MYCN: variants seen among roughly 807,000 people sequenced by gnomAD.
The protein encoded by MYCN is N-myc proto-oncogene protein.
A neutral mutation model predicts 28.1 loss-of-function variants in MYCN; 3 were observed. The ratio of observed to expected loss-of-function variants is 0.11; its 90% CI spans 0.05 to 0.28. The LOEUF is 0.28. Among genes scored for constraint, MYCN ranks in the 10% least tolerant of loss-of-function variants. MYCN has a pLI of 1.00. For synonymous variants in MYCN, 326 were observed against 288.3 expected, an observed-to-expected ratio of 1.13 and a Z score of -1.32; for missense variants, 572 against 651.4, an observed-to-expected ratio of 0.88 and a Z score of 1.33.
Position 15,941,569 on chromosome 2 carries a change from C to CTTATACACAT in MYCN, c.-117-379_-117-378insTTATACACAT. ...CTGGGTCGGAGAGCCTGGGGCTTCC[C>CTTATACACAT]CTGAGCAGCCGGCCCCACACCGCTG... On this transcript the variant is annotated intron_variant, in intron 1 of 2. Transcript: ENST00000281043. The surrounding 1 kb of genome is among the most constrained non-coding windows in gnomAD (Gnocchi z 4.8). 4.9e-6 allele frequency: 1 copy of CTTATACACAT among 205,632 alleles called. No homozygotes were observed. The highest frequency in any genetic ancestry group is 5.5e-5 in the Admixed American group (1 of 18,096). The allele number at this position is 205,632 out of a possible 1,614,324, so 12.7% of individuals were successfully genotyped here. A position where few individuals can be genotyped will look rare whatever the true frequency, so the allele number is the denominator to read the frequency against.
Position 15,942,310 on chromosome 2 carries a change from G to A in MYCN, c.246G>A (p.Leu82=), listed in dbSNP as rs148975024. ...CCCCGAGCTGGGTCACGGAGATGCTGCTTGAGAACGAGCTGTGGGGCAGCC... is the reference window on the plus strand; with the variant it reads ...CCCCGAGCTGGGTCACGGAGATGCTACTTGAGAACGAGCTGTGGGGCAGCC... ...SEPPSWVTEM[L]LENELWGSPA... The change falls in exon 2 of 3, where the codon CTG becomes CTA. Residue 82 remains leucine, a synonymous_variant. Transcript: ENST00000281043. This position sits in a 1 kb window ranked among gnomAD's most constrained non-coding sequence, Gnocchi z 7.0. 3.7e-6 allele frequency: 6 copies of A among 1,609,374 alleles called. No homozygotes were observed. In the African/African-American group the frequency reaches 5.3e-5, roughly 14 times the overall value.
At position 15,941,818 on chromosome 2, in the gene MYCN, T is replaced by G; in HGVS notation, c.-117-130T>G. The stretch of plus-strand genomic sequence containing the variant: ...AGCGAGAGGCACAACTTCCTCCACC[T>G]TCGGGAGCAGTGGGCAGAGTGGGGG... On this transcript the variant is annotated intron_variant, in intron 1 of 2. Coordinates refer to ENST00000281043, the MANE Select transcript of MYCN (RefSeq NM_005378.6). This position sits in a 1 kb window ranked among gnomAD's most constrained non-coding sequence, Gnocchi z 4.8. 5.1e-6 allele frequency: 3 copies of G among 592,716 alleles called. No homozygotes were observed. Among genetic ancestry groups the G allele is most frequent in the Non-Finnish European group, 9.0e-6 (3 of 332,252 alleles). 36.7% of individuals were successfully genotyped at this position (592,716 alleles called of 1,614,324 possible).
chr2:15,943,757 A>G (rs1310996573), intron 2 of MYCN, among the ~76,000 whole-genome samples: 1 of 152,208 alleles, frequency 6.6e-6, no homozygotes, highest in East Asian at 1.9e-4. Context: ...CAGCCTCTCC[A>G]GGAAGGCTCA....
chr2:15,942,079 C>T lies in MYCN; in HGVS notation c.15C>T (p.Ser5=), dbSNP rs2103323135. The T allele has an allele frequency of 6.2e-7, 1 of 1,613,810 alleles. No homozygotes were observed. ...GAGGCGAGCCGATGCCGAGCTGCTC[C>T]ACGTCCACCATGCCGGGCATGATCT... MPSC[S]TSTMPGMICK... The change falls in exon 2 of 3, where the codon TCC becomes TCT. Residue 5 remains serine (S), a synonymous_variant. Transcript: ENST00000281043. The surrounding 1 kb of genome is among the most constrained non-coding windows in gnomAD (Gnocchi z 7.0).
rs2103326012 is a variant in MYCN, at chr2:15,942,743, G to A, written c.679G>A (p.Ala227Thr). 3 of 1,351,146 alleles carry A rather than the reference G, an allele frequency of 2.2e-6. No individual in the cohort carries two copies. Among genetic ancestry groups the A allele is most frequent in the Non-Finnish European group, 2.9e-6 (3 of 1,050,006 alleles). The allele number at this position is 1,351,146 out of a possible 1,614,324, so 83.7% of individuals were successfully genotyped here. ...PAVASGAGIA[A>T]PAGAPGVAPP... ...GGTCGCCTCGGGGGCGGGTATTGCC[G>A]CCCCAGCCGGGGCCCCGGGGGTCGC... The change falls in exon 2 of 3, where the codon GCC (alanine) becomes ACC (threonine). Residue 227 changes from alanine (A) to threonine (T), a missense_variant. Around this residue, in one of 3 missense-constraint regions of MYCN, gnomAD observed 499 missense variants for 524.3 expected, o/e 0.95. Transcript: ENST00000281043. This position sits in a 1 kb window ranked among gnomAD's most constrained non-coding sequence, Gnocchi z 7.0.
rs1376787520 is a variant in MYCN at position 15,946,067 on chromosome 2, A to T, written c.1365A>T (p.Leu455=). The T allele has an allele frequency of 8.1e-6, 13 of 1,614,244 alleles. No homozygotes were observed. Among genetic ancestry groups the T allele is most frequent in the Non-Finnish European group, 1.1e-5 (13 of 1,180,050 alleles). ...EKLQARQQQL[L]KKIEHARTC is the part of the protein sequence containing the mutation. ...TGCAGGCAAGACAGCAGCAGTTGCT[A>T]AAGAAAATTGAACACGCTCGGACTT... Residue 455 remains leucine (L), a synonymous_variant, in exon 3 of 3, where the codon CTA becomes CTT. Transcript: ENST00000281043.
chr2:15,946,280 C>T lies in MYCN; in HGVS notation c.*183C>T. ...TGCTGGGACCTTGGAGAGCCTGCAT[C>T]CCAGGATGCTGGGTGGCCCTGCAGC... On this transcript the variant is annotated 3_prime_UTR_variant, in exon 3 of 3. Coordinates refer to ENST00000281043, the MANE Select transcript of MYCN (RefSeq NM_005378.6). The T allele has an allele frequency of 1.2e-6, 1 of 832,198 alleles. No homozygotes were observed. The allele number at this position is 832,198 out of a possible 1,614,324, so 51.6% of individuals were successfully genotyped here.
chr2:15,942,609 C>G lies in MYCN; in HGVS notation c.545C>G (p.Pro182Arg). 1 of 1,098,504 alleles carries G rather than the reference C, an allele frequency of 9.1e-7. No individual in the cohort carries two copies. The highest frequency in any genetic ancestry group is 1.1e-6 in the Non-Finnish European group (1 of 903,288). 68.0% of individuals were successfully genotyped at this position (1,098,504 alleles called of 1,614,324 possible). Residue 182 changes from proline (P) to arginine (R), a missense_variant, in exon 2 of 3, where the codon CCG becomes CGG. This residue lies in a region of MYCN where 499 missense variants were observed against 524.3 expected (regional missense o/e 0.95). Transcript: ENST00000281043. The surrounding 1 kb of genome is among the most constrained non-coding windows in gnomAD (Gnocchi z 7.0). ...GCCCTGCCCGCCGAGCTCGCCCACC[C>G]GGCCGCCGAGTGCGTGGATCCCGCC... Reference protein sequence around the residue: ...GAALPAELAHPAAECVDPAVV... With the variant: ...GAALPAELAHRAAECVDPAVV...
In MYCN at chr2:15,941,893, A is replaced by G; in HGVS notation, c.-117-55A>G. On this transcript the variant is annotated intron_variant, in intron 1 of 2. Transcript: ENST00000281043. The surrounding 1 kb of genome is among the most constrained non-coding windows in gnomAD (Gnocchi z 4.8). ...TGGTTAGAGGGGGCGCCCATTGCCT[A>G]TCCCCTCGGTCTGCCCCGTTTGCCC... 5.4e-6 allele frequency: 4 copies of G among 737,284 alleles called. No individual in the cohort carries two copies. The highest frequency in any genetic ancestry group is 8.9e-6 in the Non-Finnish European group (4 of 447,542). 45.7% of individuals were successfully genotyped at this position (737,284 alleles called of 1,614,324 possible).
rs1449107861 is a variant in MYCN, at chr2:15,946,680, C to T, written c.*583C>T. 3 of 236,890 alleles carry T rather than the reference C, an allele frequency of 1.3e-5. No individual in the cohort carries two copies. The highest frequency in any genetic ancestry group is 6.1e-5 in the East Asian group (1 of 16,440). 14.7% of individuals were successfully genotyped at this position (236,890 alleles called of 1,614,324 possible). ...GTTATGTACTGTACTAATTCTTACA[C>T]TGCCTGTATACTTTAGTATGACGCT... On this transcript the variant is annotated 3_prime_UTR_variant, in exon 3 of 3. Coordinates refer to ENST00000281043, the MANE Select transcript of MYCN (RefSeq NM_005378.6).
At chr2:15,943,711 A>G (rs1467020912) in intron 2 of MYCN, among the ~76,000 whole-genome samples, 1 of 152,170 alleles carries the variant, frequency 6.6e-6, no homozygotes, top group Non-Finnish European at 1.5e-5. Context: ...TTGTATCTGT[A>G]ACCCAGTGCC....
At chr2:15,943,413 T>TA in intron 2 of MYCN, among the ~76,000 whole-genome samples, 1 of 151,100 alleles carries the variant, frequency 6.6e-6, no homozygotes, top group East Asian at 2.0e-4. Context: ...CTTTTTTTTT[T>TA]TTTTTCAAAT....
rs150742977 is a variant in MYCN at position 15,945,796 on chromosome 2, C to A, written c.1094C>A (p.Pro365Gln). The change falls in exon 3 of 3, where the codon CCA becomes CAA. Residue 365 changes from proline to glutamine, a missense_variant. Physicochemically the swap from Pro to Gln is moderately conservative, Grantham distance 76. This residue lies in a region of MYCN where 499 missense variants were observed against 524.3 expected (regional missense o/e 0.95). Transcript: ENST00000281043. The surrounding 1 kb of genome is among the most constrained non-coding windows in gnomAD (Gnocchi z 4.8). ...SPRPLKSVIPPKAKSLSPRNS... is the reference protein window; with the variant it reads ...SPRPLKSVIPQKAKSLSPRNS... ...CGTCCGCTCAAGAGTGTCATCCCCC[C>A]AAAGGCTAAGAGCTTGAGCCCCCGA... is the stretch of plus-strand genomic sequence containing the variant. 6.8e-6 allele frequency: 11 copies of A among 1,613,994 alleles called. No homozygotes were observed. The highest frequency in any genetic ancestry group is 4.0e-5 in the African/African-American group (3 of 74,932).
In MYCN at chr2:15,941,896, C is replaced by CCCT; in HGVS notation, c.-117-50_-117-48dup. 1.3e-6 allele frequency: 1 copy of CCCT among 756,380 alleles called. No individual in the cohort carries two copies. Among genetic ancestry groups the CCCT allele is most frequent in the South Asian group, 1.7e-5 (1 of 57,218 alleles). 46.9% of individuals were successfully genotyped at this position (756,380 alleles called of 1,614,324 possible). A position where few individuals can be genotyped will look rare whatever the true frequency, so the allele number is the denominator to read the frequency against. On this transcript the variant is annotated intron_variant, in intron 1 of 2. Coordinates refer to ENST00000281043, the MANE Select transcript of MYCN (RefSeq NM_005378.6). The surrounding 1 kb of genome is among the most constrained non-coding windows in gnomAD (Gnocchi z 4.8). ...TTAGAGGGGGCGCCCATTGCCTATC[C>CCCT]CCTCGGTCTGCCCCGTTTGCCCACC...
intron 1 of MYCN, 165 bp downstream of exon 1, chr2:15,940,908 G>A (rs1176095137): frequency 5.0e-6 from 2 of 396,948 alleles, no homozygotes; most frequent in Non-Finnish European, 8.9e-6. Flanking sequence ...TCCCAGAAAA[G>A]CCAGTTCCAG....
rs1662638934 is a variant in MYCN at position 15,941,031 on chromosome 2, G to A, written c.-118+288G>A. On this transcript the variant is annotated intron_variant, in intron 1 of 2. Coordinates refer to ENST00000281043, the MANE Select transcript of MYCN (RefSeq NM_005378.6). This position sits in a 1 kb window ranked among gnomAD's most constrained non-coding sequence, Gnocchi z 4.8. ...TCCCTCGGCTCTAGAAGATCTGTCT[G>A]TGTTTGAGCTGTCGGAGAGCCGGTG... The A allele has an allele frequency of 6.4e-6, 2 of 312,180 alleles. No homozygotes were observed. The highest frequency in any genetic ancestry group is 1.2e-5 in the Non-Finnish European group (2 of 172,344). 19.3% of individuals were successfully genotyped at this position (312,180 alleles called of 1,614,324 possible).
At chr2:15,943,714 C>T (rs965788783) in intron 2 of MYCN, among the ~76,000 whole-genome samples, 10 of 152,180 alleles carry the variant, frequency 6.6e-5, no homozygotes, top group Non-Finnish European at 1.5e-4. Flanking sequence ...TATCTGTAAC[C>T]CAGTGCCCTT....
rs141260022 is a variant in MYCN at position 15,942,133 on chromosome 2, G to T, written c.69G>T (p.Ser23=). 1.2e-4 allele frequency: 195 copies of T among 1,613,948 alleles called. No individual in the cohort carries two copies. The African/African-American group carries it at 2.1e-3, about 18-fold the overall frequency. The change falls in exon 2 of 3, where the codon TCG becomes TCT. Residue 23 remains serine, a synonymous_variant. Coordinates refer to ENST00000281043, the MANE Select transcript of MYCN (RefSeq NM_005378.6). The surrounding 1 kb of genome is among the most constrained non-coding windows in gnomAD (Gnocchi z 7.0). ...AGAACCCAGACCTCGAGTTTGACTC[G>T]CTACAGCCCTGCTTCTACCCGGACG... is the stretch of plus-strand genomic sequence containing the variant. ...ICKNPDLEFD[S]LQPCFYPDED...
Position 15,942,826 on chromosome 2 carries a change from C to T in MYCN, c.762C>T (p.Thr254=). The T allele has an allele frequency of 1.9e-6, 3 of 1,580,452 alleles. No individual in the cohort carries two copies. The highest frequency in any genetic ancestry group is 2.6e-6 in the Non-Finnish European group (3 of 1,170,762). The change falls in exon 2 of 3, where the codon ACC becomes ACT. Residue 254 remains threonine, a synonymous_variant. Coordinates refer to ENST00000281043, the MANE Select transcript of MYCN (RefSeq NM_005378.6). This position sits in a 1 kb window ranked among gnomAD's most constrained non-coding sequence, Gnocchi z 7.0. ...GCGGCGACCACAAGGCCCTCAGTACCTCCGGAGAGGACACCCTGAGCGATT... is the reference window on the plus strand; with the variant it reads ...GCGGCGACCACAAGGCCCTCAGTACTTCCGGAGAGGACACCCTGAGCGATT... ...TSGGDHKALS[T]SGEDTLSDSD...
Sources: gnomAD v4.1 joint callset for allele counts (sites outside exome capture counted in the v4.1 genomes callset) on GRCh38, gnomAD v4.1.1 for gene constraint, gnomAD v4.1.1 regional missense constraint, Gnocchi (gnomAD v3.1) non-coding constraint, MANE v1.5 for transcripts, NCBI Gene and HGNC (gene_info 2026-07-23, HGNC 2026-07-21) for gene names.